SDHA: variants seen among roughly 807,000 people sequenced by gnomAD.
The protein encoded by SDHA is succinate dehydrogenase [ubiquinone] flavoprotein subunit, mitochondrial.
Under a neutral mutation model 78.4 loss-of-function variants are expected in SDHA, and 48 were observed. The observed-to-expected ratio is 0.61, with a 90% CI of 0.49 to 0.78. SDHA has a LOEUF of 0.78. Among genes scored for constraint, SDHA ranks in the 30% least tolerant of loss-of-function variants. The pLI is 0.00. For synonymous variants in SDHA, 326 were observed against 353.9 expected (o/e 0.92, Z 0.88); for missense variants, 680 against 892.7 (o/e 0.76, Z 3.04).
At chr5:244,937 G>A (rs1281276459) in intron 11 of SDHA, among the ~76,000 whole-genome samples, 4 of 152,172 alleles carry the variant, frequency 2.6e-5, no homozygotes, top group African/African-American at 9.7e-5. Context: ...AATTTGCAGG[G>A]TTTGAAAGAA....
intron 11 of SDHA, among the ~76,000 whole-genome samples, chr5:248,503 T>G (rs4588630): frequency 0.24 from 36,626 of 152,164 alleles, 6,873 homozygotes; most frequent in African/African-American, 0.53. Context: ...TTGGGCATAT[T>G]TATCAATCTT....
chr5:237,394 C>T (rs1329638093), intron 10 of SDHA, among the ~76,000 whole-genome samples: 2 of 134,030 alleles, frequency 1.5e-5, no homozygotes, highest in African/African-American at 3.6e-5. Flanking sequence ...CCACCCTTTA[C>T]GGACAGATTG....
At chr5:255,737 G>A (rs375887662) in intron 14 of SDHA, among the ~76,000 whole-genome samples, 3 of 152,276 alleles carry the variant, frequency 2.0e-5, no homozygotes, top group East Asian at 3.9e-4. Flanking sequence ...GCCAGTTTTA[G>A]TGATTTTTCA....
intron 8 of SDHA, chr5:234,694 G>T (rs1735654064): frequency 1.4e-5 from 3 of 220,250 alleles, no homozygotes; most frequent in East Asian, 2.0e-4. Flanking sequence ...AAATGAGGAT[G>T]ATTTAAAGTA....
chr5:246,198 A>G (rs1372347140), intron 11 of SDHA, among the ~76,000 whole-genome samples: 3 of 152,062 alleles, frequency 2.0e-5, no homozygotes, highest in East Asian at 1.9e-4. Context: ...AAGCAAGGCC[A>G]TAAAGCCCAA....
intron 1 of SDHA, chr5:220,407 TTGAA>T: frequency 2.8e-6 from 1 of 355,628 alleles, no homozygotes; most frequent in Non-Finnish European, 5.8e-6. Flanking sequence ...TTTCTTTTCT[TTGAA>T]TGGATTGTTC....
intron 7 of SDHA, among the ~76,000 whole-genome samples, chr5:231,606 C>T (rs1282892770): frequency 6.6e-6 from 1 of 151,770 alleles, no homozygotes; most frequent in East Asian, 1.9e-4. Context: ...CAGTGTCCCT[C>T]TTCGCAACGA....
intron 10 of SDHA, among the ~76,000 whole-genome samples, chr5:240,147 C>T (rs1286498336): frequency 2.0e-5 from 3 of 152,100 alleles, no homozygotes; most frequent in African/African-American, 7.2e-5. Context: ...TACTGTGTGC[C>T]AACAATTTTG....
At chr5:246,085 C>G (rs550408009) in intron 11 of SDHA, among the ~76,000 whole-genome samples, 6 of 152,046 alleles carry the variant, frequency 3.9e-5, no homozygotes, top group Admixed American at 3.9e-4. Flanking sequence ...ATAAATAGAA[C>G]AGATCCAGAG....
chr5:222,071 T>C (rs1327806457), intron 1 of SDHA, among the ~76,000 whole-genome samples: 1 of 152,224 alleles, frequency 6.6e-6, no homozygotes, highest in Non-Finnish European at 1.5e-5. Flanking sequence ...GTATTAAAAT[T>C]ATTTCAAAGA....
rs749948037 is a variant in SDHA at position 218,412 on chromosome 5, C to G, written c.57C>G (p.Ala19=). 4.2e-6 allele frequency: 6 copies of G among 1,440,376 alleles called. No homozygotes were observed. Among genetic ancestry groups the G allele is most frequent in the Admixed American group, 2.7e-5 (1 of 36,454 alleles). The allele number at this position is 1,440,376 out of a possible 1,614,324, so 89.2% of individuals were successfully genotyped here. Residue 19 remains alanine (A), a synonymous_variant, in exon 1 of 15, where the codon GCC becomes GCG. Transcript: ENST00000264932. ...RLLSARRLAL[A]KAWPTVLQTG... ...TGAGCGCTCGGCGCCTGGCGCTGGC[C>G]AAGGCGGTGAGTCCGTGCCGCGGAC...
At chr5:241,920 A>G (rs1466170881) in intron 11 of SDHA, among the ~76,000 whole-genome samples, 1 of 152,254 alleles carries the variant, frequency 6.6e-6, no homozygotes, top group Non-Finnish European at 1.5e-5. Flanking sequence ...CCAGCTGGGA[A>G]AGAAAGAACC....
At chr5:222,495 C>T (rs1734777766) in intron 1 of SDHA, among the ~76,000 whole-genome samples, 1 of 151,874 alleles carries the variant, frequency 6.6e-6, no homozygotes, top group Non-Finnish European at 1.5e-5. Flanking sequence ...TTACAGGTGC[C>T]CGCCACGACG....
rs775074528 is a variant in SDHA, at chr5:225,904, T to C, written c.478T>C (p.Phe160Leu). Reference protein sequence around the residue: ...VVELENYGMPFSRTEDGKIYQ... With the variant: ...VVELENYGMPLSRTEDGKIYQ... ...ACAGCTAGAAAATTATGGCATGCCG[T>C]TTAGCAGAACTGAAGATGGGAAGAT... Residue 160 changes from phenylalanine to leucine, a missense_variant, in exon 5 of 15, where the codon TTT becomes CTT. Phe to Leu is a conservative substitution (Grantham distance 22). Transcript: ENST00000264932. The C allele has an allele frequency of 2.5e-6, 4 of 1,613,202 alleles. No individual in the cohort carries two copies. The highest frequency in any genetic ancestry group is 1.7e-5 in the Admixed American group (1 of 60,014).
At chr5:255,454 T>C (rs1416791324) in intron 14 of SDHA, among the ~76,000 whole-genome samples, 1 of 149,186 alleles carries the variant, frequency 6.7e-6, no homozygotes, top group East Asian at 1.9e-4. Flanking sequence ...TCGGGTTTTT[T>C]GGTTTTTTTT....
chr5:230,069 C>T (rs180972590), intron 6 of SDHA, among the ~76,000 whole-genome samples: 19 of 151,784 alleles, frequency 1.3e-4, no homozygotes, highest in African/African-American at 2.2e-4. Context: ...TTGAAATTTG[C>T]GAAGATAGTA....
At chr5:221,519 C>T (rs1734716459) in intron 1 of SDHA, among the ~76,000 whole-genome samples, 1 of 152,164 alleles carries the variant, frequency 6.6e-6, no homozygotes, top group African/African-American at 2.4e-5. Flanking sequence ...TGCTAGATTT[C>T]GGATATGAAT....
intron 4 of SDHA, 142 bp from the exon 5 acceptor site, chr5:225,741 C>T: frequency 7.4e-7 from 1 of 1,359,650 alleles, no homozygotes; most frequent in Middle Eastern, 2.5e-4. Flanking sequence ...GAAAACTTCT[C>T]TTTGATGAAG....
rs148246073 is a variant in SDHA, at chr5:225,976, G to A, written c.550G>A (p.Gly184Arg). 1,116 of 1,614,116 alleles carry A rather than the reference G, an allele frequency of 6.9e-4. 16 individuals carry two copies. The East Asian group carries it at 0.022, about 32-fold the overall frequency. ...ACAGAGCCTCAAGTTTGGAAAGGGC[G>A]GGCAGGCCCATCGGTGCTGCTGTGT... Reference protein sequence around the residue: ...GGQSLKFGKGGQAHRCCCVAD... With the variant: ...GGQSLKFGKGRQAHRCCCVAD... The change falls in exon 5 of 15, where the codon GGG becomes AGG. Residue 184 changes from glycine to arginine, a missense_variant. Coordinates refer to ENST00000264932, the MANE Select transcript of SDHA (RefSeq NM_004168.4).
Sources: allele counts gnomAD v4.1 joint callset (sites outside exome capture counted in the v4.1 genomes callset), GRCh38; gene constraint gnomAD v4.1.1; transcripts MANE v1.5; gene names NCBI Gene and HGNC (gene_info 2026-07-23, HGNC 2026-07-21).